The following PPAT variants were observed in gnomAD, a reference collection of about 807,000 sequenced individuals.
PPAT encodes the protein phosphoribosyl pyrophosphate amidotransferase.
In PPAT, 20 loss-of-function variants were observed where a neutral mutation model predicts 60.2. The observed-to-expected ratio is 0.33, with a 90% CI of 0.23 to 0.48. The LOEUF is 0.48. Among genes scored for constraint, PPAT ranks in the 20% least tolerant of loss-of-function variants. The probability of loss-of-function intolerance (pLI) is 0.99; values close to 1 mark genes in which losing one functional copy is unlikely to be tolerated. For missense variants in PPAT, 349 were observed against 629.6 expected, an observed-to-expected ratio of 0.55 and a Z score of 4.77; for synonymous variants, 194 against 215.1, an observed-to-expected ratio of 0.90 and a Z score of 0.86.
At chr4:56,410,668 A>T in intron 1 of PPAT, 1 of 986,510 alleles carries the variant, frequency 1.0e-6, no homozygotes, top group Non-Finnish European at 1.2e-6. Flanking sequence ...AATCATTAGG[A>T]GTATACAGAG....
At chr4:56,422,902 G>A (rs181844133) in intron 1 of PPAT, 1 of 152,086 alleles carries the variant, frequency 6.6e-6, no homozygotes, top group East Asian at 1.9e-4. Flanking sequence ...CAAATTCTTG[G>A]GCCCCATCCA....
intron 1 of PPAT, among the ~76,000 whole-genome samples, chr4:56,415,832 T>TTTGGGAGGCCGAGGATCACCTGAGG (rs1716701671): frequency 6.6e-6 from 1 of 152,156 alleles, no homozygotes; most frequent in African/African-American, 2.4e-5. Flanking sequence ...ATCCCAGCAC[T>TTTGGGAGGCCGAGGATCACCTGAGG]TTGGGAGGCC....
At chr4:56,404,149 T>C in intron 3 of PPAT, 1 of 354,100 alleles carries the variant, frequency 2.8e-6, no homozygotes, top group South Asian at 2.1e-5. Flanking sequence ...AAAAATGTGC[T>C]TTATGAGATG....
chr4:56,400,843 C>T lies in PPAT; in HGVS notation c.955G>A (p.Asp319Asn). Residue 319 changes from aspartate (D) to asparagine (N), a missense_variant, in exon 8 of 11, where the codon GAT (aspartate) becomes AAT (asparagine). By Grantham distance (23) the Asp-to-Asn change is conservative. Coordinates refer to ENST00000264220, the MANE Select transcript of PPAT (RefSeq NM_002703.5). ...GATTCTGGAACAGTGCTAACCAAAT[C>T]TGCATCCACAGGTGCTTCAATCGCT... ...QLAIEAPVDA[D>N]LVSTVPESAT... The T allele has an allele frequency of 1.2e-6, 2 of 1,613,882 alleles. No homozygotes were observed. The highest frequency in any genetic ancestry group is 1.1e-5 in the South Asian group (1 of 91,076).
At chr4:56,426,773 A>C (rs1229356241) in intron 1 of PPAT, among the ~76,000 whole-genome samples, 1 of 152,228 alleles carries the variant, frequency 6.6e-6, no homozygotes, top group Non-Finnish European at 1.5e-5. Flanking sequence ...TAAAATATAC[A>C]TAAAATATTT....
At chr4:56,425,340 C>T in intron 1 of PPAT, 1 of 352,586 alleles carries the variant, frequency 2.8e-6, no homozygotes, top group South Asian at 1.2e-4. Context: ...ATATGAAACA[C>T]AATACTGAGA....
chr4:56,399,062 A>C (rs564604940), intron 9 of PPAT, 117 bp downstream of exon 9: 41 of 865,066 alleles, frequency 4.7e-5, no homozygotes, highest in South Asian at 1.6e-4. Context: ...CCAAACTGAT[A>C]AAAAAAGTTA....
chr4:56,399,362 C>T lies in PPAT; in HGVS notation c.1053G>A (p.Arg351=). ...LPYVEVLCKN[R]YVGRTFIQPN... is the part of the protein sequence containing the mutation. ...GCTGAATGAAGGTTCTCCCTACATA[C>T]CGGTTTTTACACAGCACCTCCACAT... is the stretch of plus-strand genomic sequence containing the variant. Residue 351 remains arginine (R), a synonymous_variant, in exon 9 of 11, where the codon CGG becomes CGA. Transcript: ENST00000264220. 1.9e-6 allele frequency: 3 copies of T among 1,613,942 alleles called. No homozygotes were observed. The highest frequency in any genetic ancestry group is 2.5e-6 in the Non-Finnish European group (3 of 1,179,914).
At chr4:56,398,749 C>CT (rs1716044299) in intron 9 of PPAT, among the ~76,000 whole-genome samples, 1 of 152,096 alleles carries the variant, frequency 6.6e-6, no homozygotes, top group African/African-American at 2.4e-5. Context: ...TGTGCCCAGC[C>CT]TATTTTGTGT....
chr4:56,418,117 G>A lies in PPAT; in HGVS notation c.129-10401C>T, dbSNP rs185315164. ...CACCCAAAGTGCTGGGATTACAGGCGTGAGCCACCGCACCTGGCTGAAGAT... is the reference window on the plus strand; with the variant it reads ...CACCCAAAGTGCTGGGATTACAGGCATGAGCCACCGCACCTGGCTGAAGAT... On this transcript the variant is annotated intron_variant, in intron 1 of 10. Coordinates refer to ENST00000264220, the MANE Select transcript of PPAT (RefSeq NM_002703.5). Among the ~76,000 whole-genome samples, 122 of 151,816 alleles carry A rather than the reference G, an allele frequency of 8.0e-4. 2 individuals carry two copies. The East Asian group carries it at 0.023, about 28-fold the overall frequency.
chr4:56,408,753 C>CAA (rs35367469), intron 1 of PPAT, among the ~76,000 whole-genome samples: 12 of 132,944 alleles, frequency 9.0e-5, no homozygotes, highest in Non-Finnish European at 1.5e-4. Context: ...GATTCCGTTT[C>CAA]AAAAAAAAAA....
At chr4:56,397,932 T>A (rs910158395) in intron 9 of PPAT, among the ~76,000 whole-genome samples, 1 of 151,598 alleles carries the variant, frequency 6.6e-6, no homozygotes, top group Non-Finnish European at 1.5e-5. Context: ...GTCCCAGCTA[T>A]TTGGGAGGCT....
chr4:56,421,717 G>A (rs1399700711), intron 1 of PPAT: 2 of 152,226 alleles, frequency 1.3e-5, no homozygotes, highest in Non-Finnish European at 2.9e-5. Flanking sequence ...AAACTGGTAT[G>A]CTAGAGAACT....
intron 1 of PPAT, among the ~76,000 whole-genome samples, chr4:56,427,704 T>G (rs1717364186): frequency 6.6e-6 from 1 of 151,678 alleles, no homozygotes; most frequent in African/African-American, 2.4e-5. Context: ...CCTAGGAGAA[T>G]TTAAGATGAG....
Position 56,396,788 on chromosome 4 carries a change from C to A in PPAT, c.1237-49G>T. The A allele has an allele frequency of 1.3e-6, 2 of 1,563,862 alleles. No homozygotes were observed. On this transcript the variant is annotated intron_variant, in intron 9 of 10. Transcript: ENST00000264220. This position sits in a 1 kb window ranked among gnomAD's most constrained non-coding sequence, Gnocchi z 4.6. ...AAGGTTTTTAAGACTATGCAAAATT[C>A]TTTCATTGTGCAAATACAATACAAA...
At chr4:56,430,769 T>C (rs1191612398) in intron 1 of PPAT, among the ~76,000 whole-genome samples, 1 of 151,388 alleles carries the variant, frequency 6.6e-6, no homozygotes, top group African/African-American at 2.4e-5. Context: ...ATTTGAACAT[T>C]AGACCTTACA....
chr4:56,435,303 C>G (rs1474707245), intron 1 of PPAT, 47 bp downstream of exon 1: 1 of 1,608,996 alleles, frequency 6.2e-7, no homozygotes. Context: ...GAAGCGGCTC[C>G]GAGAGATGGA....
chr4:56,398,145 G>A (rs778743077), intron 9 of PPAT, among the ~76,000 whole-genome samples: 26 of 152,180 alleles, frequency 1.7e-4, no homozygotes, highest in Non-Finnish European at 2.9e-4. Flanking sequence ...GAGGCAGGTG[G>A]ATCACCTGAG....
At chr4:56,433,464 C>A (rs1578140265) in intron 1 of PPAT, among the ~76,000 whole-genome samples, 2 of 128,678 alleles carry the variant, frequency 1.6e-5, no homozygotes, top group Admixed American at 7.9e-5. Flanking sequence ...AAACTGGGTA[C>A]TAAAACTCCA....
Sources: allele counts gnomAD v4.1 joint callset (sites outside exome capture counted in the v4.1 genomes callset), GRCh38; gene constraint gnomAD v4.1.1; non-coding constraint Gnocchi (gnomAD v3.1); transcripts MANE v1.5; gene names NCBI Gene and HGNC (gene_info 2026-07-23, HGNC 2026-07-21).